The following NPL variants were observed in gnomAD, a reference collection of about 807,000 sequenced individuals.
NPL encodes the protein N-acetylneuraminate pyruvate lyase, also known as N-acetylneuraminate lyase.
Under a neutral mutation model 41.1 loss-of-function variants are expected in NPL, and 32 were observed. The ratio of observed to expected loss-of-function variants is 0.78; its 90% CI spans 0.59 to 1.05. NPL has a LOEUF of 1.05. NPL is among the 50% of genes least tolerant of loss of function. The pLI is 0.00. For missense variants in NPL, 321 were observed against 378.4 expected (o/e 0.85, Z 1.26); for synonymous variants, 128 against 134.9 (o/e 0.95, Z 0.35).
chr1:182,803,787 G>A lies in NPL; in HGVS notation c.142+16G>A. ...AACATTTTTGGTAAGTCAACTCTGG[G>A]GATGTCGCTGCATGTCTCCAGCTCA... On this transcript the variant is annotated intron_variant, in intron 4 of 12. Coordinates refer to ENST00000367553, the MANE Select transcript of NPL (RefSeq NM_030769.3). 1 of 1,554,936 alleles carries A rather than the reference G, an allele frequency of 6.4e-7. No homozygotes were observed. Among genetic ancestry groups the A allele is most frequent in the Non-Finnish European group, 8.9e-7 (1 of 1,126,080 alleles).
intron 5 of NPL, among the ~76,000 whole-genome samples, chr1:182,810,695 CTTGT>C (rs1200043854): frequency 6.6e-6 from 1 of 151,634 alleles, no homozygotes; most frequent in African/African-American, 2.4e-5. Flanking sequence ...TCCTCCCAAA[CTTGT>C]TTTTTTTTTC....
At chr1:182,811,429 A>G (rs1047470567) in intron 5 of NPL, among the ~76,000 whole-genome samples, 3 of 151,944 alleles carry the variant, frequency 2.0e-5, no homozygotes, top group African/African-American at 2.4e-5. Flanking sequence ...GGGTTTTGCC[A>G]TGTTGCCCAG....
At chr1:182,800,446 A>C (rs892173915) in intron 3 of NPL, among the ~76,000 whole-genome samples, 3 of 151,252 alleles carry the variant, frequency 2.0e-5, no homozygotes, top group African/African-American at 7.3e-5. Flanking sequence ...AAAAAAAAAA[A>C]AAAAAAAAAA....
chr1:182,804,872 A>G (rs1022301822), intron 4 of NPL, among the ~76,000 whole-genome samples: 4 of 152,214 alleles, frequency 2.6e-5, no homozygotes, highest in African/African-American at 4.8e-5. Context: ...ATAGTGGAGA[A>G]GGCAGATTCT....
At chr1:182,805,179 C>G (rs1361126271) in intron 4 of NPL, among the ~76,000 whole-genome samples, 1 of 152,180 alleles carries the variant, frequency 6.6e-6, no homozygotes, top group Non-Finnish European at 1.5e-5. Context: ...CCAGTAATCC[C>G]AGCACTTTGG....
At chr1:182,794,471 G>C in intron 3 of NPL, 32 bp downstream of exon 3, 1 of 1,601,950 alleles carries the variant, frequency 6.2e-7, no homozygotes, top group Non-Finnish European at 8.6e-7. Flanking sequence ...GAGGGGATCA[G>C]TTCTCATTCA....
intron 5 of NPL, among the ~76,000 whole-genome samples, chr1:182,811,903 A>G (rs1393753016): frequency 3.9e-5 from 6 of 152,178 alleles, no homozygotes; most frequent in Non-Finnish European, 7.4e-5. Flanking sequence ...CTGCTGTGAA[A>G]TCAGAATCAT....
At position 182,828,696 on chromosome 1, in the gene NPL, T is replaced by G. The variant is rs763113888; in HGVS notation, c.779-28T>G. The G allele has an allele frequency of 6.2e-7, 1 of 1,614,154 alleles. No individual in the cohort carries two copies. ...GTGGAGAGATAGACGGTACCAGTCA[T>G]GTTTCCTCATTTGTTTTTCCCGTCT... On this transcript the variant is annotated intron_variant, in intron 12 of 12. Coordinates refer to ENST00000367553, the MANE Select transcript of NPL (RefSeq NM_030769.3). The surrounding 1 kb of genome is among the most constrained non-coding windows in gnomAD (Gnocchi z 4.0).
chr1:182,803,162 T>C (rs16859675), intron 3 of NPL, among the ~76,000 whole-genome samples: 9,073 of 152,194 alleles, frequency 0.06, 368 homozygotes, highest in African/African-American at 0.12. Context: ...TTCCTAATAA[T>C]TGATCATGGA....
At chr1:182,807,976 C>A (rs1667071868) in intron 5 of NPL, among the ~76,000 whole-genome samples, 1 of 151,456 alleles carries the variant, frequency 6.6e-6, no homozygotes, top group Non-Finnish European at 1.5e-5. Flanking sequence ...GGTAGGAGGC[C>A]AGTTGGGAGT....
At chr1:182,818,094 G>T (rs1202484264) in intron 8 of NPL, among the ~76,000 whole-genome samples, 1 of 152,144 alleles carries the variant, frequency 6.6e-6, no homozygotes, top group African/African-American at 2.4e-5. Flanking sequence ...GAACTTCATA[G>T]CATACAGAAA....
chr1:182,797,049 A>AAAAAAAAAAAC (rs1666692334), intron 3 of NPL, among the ~76,000 whole-genome samples: 1 of 151,964 alleles, frequency 6.6e-6, no homozygotes, highest in African/African-American at 2.4e-5. Flanking sequence ...AAAAAAAAAA[A>AAAAAAAAAAAC]AAGCTCTTTC....
At chr1:182,806,445 C>A in intron 5 of NPL, 4 of 1,536,868 alleles carry the variant, frequency 2.6e-6, no homozygotes, top group Non-Finnish European at 3.5e-6. Context: ...CTAGACACAC[C>A]TGCCACCCAG....
chr1:182,829,027 C>T lies in NPL; in HGVS notation c.*119C>T. Reference sequence around the variant, plus strand: ...AACTCTCCTAGCAAATGAAATCTCACAATAAGCATTGAGGTACCTTTTGTG... The same window carrying T: ...AACTCTCCTAGCAAATGAAATCTCATAATAAGCATTGAGGTACCTTTTGTG... On this transcript the variant is annotated 3_prime_UTR_variant, in exon 13 of 13. Transcript: ENST00000367553. 6.4e-7 allele frequency: 1 copy of T among 1,565,712 alleles called. No homozygotes were observed. The highest frequency in any genetic ancestry group is 8.6e-7 in the Non-Finnish European group (1 of 1,163,572).
At chr1:182,826,578 C>T (rs1667636321) in intron 12 of NPL, 1 of 152,276 alleles carries the variant, frequency 6.6e-6, no homozygotes, top group Non-Finnish European at 1.5e-5. Flanking sequence ...TCAACCCACT[C>T]TCTTACTCCT....
intron 3 of NPL, 51 bp downstream of exon 3, chr1:182,794,490 G>A: frequency 6.4e-7 from 1 of 1,559,424 alleles, no homozygotes; most frequent in South Asian, 1.1e-5. Flanking sequence ...CAACCAAAAA[G>A]GAGAGAAGTT....
intron 5 of NPL, among the ~76,000 whole-genome samples, chr1:182,806,747 A>G (rs979040353): frequency 6.6e-6 from 1 of 152,202 alleles, no homozygotes; most frequent in Non-Finnish European, 1.5e-5. Context: ...ATGCAGTGAT[A>G]AATTTTTGTA....
Position 182,829,333 on chromosome 1 carries a change from C to T in NPL, c.*425C>T, listed in dbSNP as rs1203996098. 1 of 1,227,084 alleles carries T rather than the reference C, an allele frequency of 8.1e-7. No homozygotes were observed. The highest frequency in any genetic ancestry group is 1.0e-6 in the Non-Finnish European group (1 of 981,046). 76.0% of individuals were successfully genotyped at this position (1,227,084 alleles called of 1,614,324 possible). On this transcript the variant is annotated 3_prime_UTR_variant, in exon 13 of 13. Coordinates refer to ENST00000367553, the MANE Select transcript of NPL (RefSeq NM_030769.3). ...TGGAATCTAGGAAAACTCTGAGCTA[C>T]TGCATTTAGGCAGGCACTTTAATAC...
intron 5 of NPL, among the ~76,000 whole-genome samples, chr1:182,806,816 A>G (rs949586449): frequency 3.3e-5 from 5 of 152,094 alleles, no homozygotes; most frequent in Admixed American, 2.6e-4. Flanking sequence ...TAGCACTTCC[A>G]GTTTAACTAA....
Sources: gnomAD v4.1 joint callset for allele counts (sites outside exome capture counted in the v4.1 genomes callset) on GRCh38, gnomAD v4.1.1 for gene constraint, Gnocchi (gnomAD v3.1) non-coding constraint, MANE v1.5 for transcripts, NCBI Gene and HGNC (gene_info 2026-07-23, HGNC 2026-07-21) for gene names.